The following ADAMTSL1 variants were observed in gnomAD, a reference collection of about 807,000 sequenced individuals.
The protein encoded by ADAMTSL1 is ADAMTS-like protein 1.
A neutral mutation model predicts 201.8 loss-of-function variants in ADAMTSL1; 126 were observed. That is an observed-to-expected ratio of 0.62 (90% CI 0.54 to 0.72). The LOEUF (loss-of-function observed/expected upper bound fraction) is 0.72. ADAMTSL1 is among the 30% of genes least tolerant of loss of function. The pLI, the probability that ADAMTSL1 is intolerant of heterozygous loss-of-function variation, is 0.00. For missense variants in ADAMTSL1, 2,679 were observed against 2,277.8 expected, an observed-to-expected ratio of 1.18 and a Z score of -3.59; for synonymous variants, 1,121 against 903.4, an observed-to-expected ratio of 1.24 and a Z score of -4.32.
At chr9:18,891,514 C>CAGA (rs1829273434) in intron 25 of ADAMTSL1, among the ~76,000 whole-genome samples, 2 of 152,186 alleles carry the variant, frequency 1.3e-5, no homozygotes, top group Non-Finnish European at 2.9e-5. Flanking sequence ...CCGAGGATTT[C>CAGA]CGAGTGTTCC....
intron 2 of ADAMTSL1, among the ~76,000 whole-genome samples, chr9:18,398,189 T>C (rs1469054332): frequency 6.6e-6 from 1 of 152,202 alleles, no homozygotes; most frequent in African/African-American, 2.4e-5. Flanking sequence ...TCACATTGAA[T>C]GGTAGACTCC....
chr9:18,491,734 C>T (rs545288863), intron 1 of ADAMTSL1, among the ~76,000 whole-genome samples: 16 of 152,116 alleles, frequency 1.1e-4, no homozygotes, highest in African/African-American at 3.9e-4. Context: ...TTTAGCCAGC[C>T]CCAAAACGTA....
intron 1 of ADAMTSL1, among the ~76,000 whole-genome samples, chr9:18,015,703 C>G (rs1820229758): frequency 6.6e-6 from 1 of 151,978 alleles, no homozygotes; most frequent in Non-Finnish European, 1.5e-5. Flanking sequence ...TGAGGGCTGC[C>G]TGACCCTAAG....
At chr9:18,688,689 A>AAAAAAATATATAT (rs1554730404) in intron 13 of ADAMTSL1, among the ~76,000 whole-genome samples, 1 of 8,652 alleles carries the variant, frequency 1.2e-4, no homozygotes, top group African/African-American at 3.7e-4. Flanking sequence ...AAAAAAAAAA[A>AAAAAAATATATAT]ATATATATAT....
At chr9:18,053,151 A>C (rs1460759404) in intron 1 of ADAMTSL1, among the ~76,000 whole-genome samples, 1 of 152,164 alleles carries the variant, frequency 6.6e-6, no homozygotes, top group Admixed American at 6.5e-5. Context: ...GAGCTTGAGA[A>C]CTTTTTGCCT....
intron 2 of ADAMTSL1, among the ~76,000 whole-genome samples, chr9:18,461,910 C>T (rs1025496179): frequency 2.0e-5 from 3 of 152,006 alleles, no homozygotes; most frequent in Admixed American, 6.6e-5. Context: ...TTCCCCTTGC[C>T]GCATATACTA....
intron 2 of ADAMTSL1, among the ~76,000 whole-genome samples, chr9:18,254,606 G>A (rs1295993902): frequency 2.6e-5 from 4 of 151,302 alleles, no homozygotes; most frequent in Non-Finnish European, 5.9e-5. Flanking sequence ...TTCGTGATCC[G>A]CCCGCCTCGG....
At chr9:18,560,058 G>A (rs1821382894) in intron 3 of ADAMTSL1, among the ~76,000 whole-genome samples, 1 of 152,164 alleles carries the variant, frequency 6.6e-6, no homozygotes, top group Non-Finnish European at 1.5e-5. Context: ...GAATAGGAGT[G>A]GTGAGAGAGG....
At chr9:18,446,507 C>A (rs1198390863) in intron 2 of ADAMTSL1, among the ~76,000 whole-genome samples, 1 of 152,200 alleles carries the variant, frequency 6.6e-6, no homozygotes, top group African/African-American at 2.4e-5. Flanking sequence ...AAAATGTCAA[C>A]CAGCAAGGAT....
At chr9:18,789,786 T>C (rs2133816388) in intron 19 of ADAMTSL1, among the ~76,000 whole-genome samples, 1 of 152,228 alleles carries the variant, frequency 6.6e-6, no homozygotes, top group East Asian at 1.9e-4. Context: ...CCCAAGCTAA[T>C]GACAAGGAGA....
intron 1 of ADAMTSL1, among the ~76,000 whole-genome samples, chr9:18,046,941 G>C (rs1821686089): frequency 6.6e-6 from 1 of 152,078 alleles, no homozygotes; most frequent in South Asian, 2.1e-4. Flanking sequence ...GTCAGCAATG[G>C]AACTGAAGAA....
intron 3 of ADAMTSL1, among the ~76,000 whole-genome samples, chr9:18,544,175 C>G (rs1214420751): frequency 6.6e-6 from 1 of 152,104 alleles, no homozygotes; most frequent in Non-Finnish European, 1.5e-5. Flanking sequence ...GAAATCAGTG[C>G]AACAATGGAA....
At chr9:18,402,906 G>GCTGAGTTGAGTA (rs915147808) in intron 2 of ADAMTSL1, among the ~76,000 whole-genome samples, 4 of 152,080 alleles carry the variant, frequency 2.6e-5, no homozygotes, top group African/African-American at 9.7e-5. Flanking sequence ...TTTACTAGAT[G>GCTGAGTTGAGTA]CTAGGTTCAG....
At chr9:18,801,705 T>C (rs556241509) in intron 20 of ADAMTSL1, among the ~76,000 whole-genome samples, 18 of 152,308 alleles carry the variant, frequency 1.2e-4, no homozygotes, top group African/African-American at 4.1e-4. Flanking sequence ...ATCTTGTTCC[T>C]TTTTATGGCT....
intron 23 of ADAMTSL1, among the ~76,000 whole-genome samples, chr9:18,861,135 GTTATACAGAGATCATATACACATCCCTCA>G (rs1339860513): frequency 2.1e-4 from 32 of 149,470 alleles, no homozygotes; most frequent in Non-Finnish European, 4.1e-4. Context: ...CATATCCCTC[GTTATACAGAGATCATATACACATCCCTCA>G]TTATACAGAG....
At chr9:18,806,636 A>G (rs905595509) in intron 20 of ADAMTSL1, among the ~76,000 whole-genome samples, 2 of 152,130 alleles carry the variant, frequency 1.3e-5, no homozygotes, top group Non-Finnish European at 2.9e-5. Flanking sequence ...TTTCAAACAC[A>G]TATGTTCAGA....
intron 2 of ADAMTSL1, among the ~76,000 whole-genome samples, chr9:18,325,853 G>C (rs1353431678): frequency 3.3e-5 from 5 of 151,772 alleles, no homozygotes; most frequent in African/African-American, 9.7e-5. Context: ...CGATTCTCCT[G>C]CCTCCGCCTC....
intron 2 of ADAMTSL1, among the ~76,000 whole-genome samples, chr9:18,180,832 A>G (rs1359594027): frequency 1.3e-5 from 2 of 152,196 alleles, no homozygotes; most frequent in Non-Finnish European, 2.9e-5. Flanking sequence ...CGCCAAGTCA[A>G]TCCTAAGGCA....
chr9:18,476,109 G>C (rs1466394610), intron 1 of ADAMTSL1, among the ~76,000 whole-genome samples: 2 of 152,024 alleles, frequency 1.3e-5, no homozygotes, highest in African/African-American at 4.8e-5. Flanking sequence ...TTTAAATTAA[G>C]TGGAAATCTG....
Sources: allele counts gnomAD v4.1 joint callset (sites outside exome capture counted in the v4.1 genomes callset), GRCh38; gene constraint gnomAD v4.1.1; transcripts MANE v1.5; gene names NCBI Gene and HGNC (gene_info 2026-07-23, HGNC 2026-07-21).